Variants in RASSF9 observed in about 807,000 individuals in gnomAD.
The protein encoded by RASSF9 is Ras association domain family member 9.
RASSF9 carries 18 observed loss-of-function variants against 21.4 expected under a neutral mutation model. The ratio of observed to expected loss-of-function variants is 0.84; its 90% confidence interval spans 0.58 to 1.25. The LOEUF (loss-of-function observed/expected upper bound fraction) is 1.25, where lower values mean the gene tolerates loss of function less well. Ranked by LOEUF, RASSF9 falls within the 50% of genes most tolerant of loss-of-function variation. The probability of loss-of-function intolerance (pLI) is 0.00; values close to 1 mark genes in which losing one functional copy is unlikely to be tolerated. For synonymous variants in RASSF9, 183 were observed against 179.1 expected, an observed-to-expected ratio of 1.02 and a Z score of -0.18; for missense variants, 480 against 503.2, an observed-to-expected ratio of 0.95 and a Z score of 0.44.
chr12:85,808,095 T>A (rs1227093330), intron 1 of RASSF9, among the ~76,000 whole-genome samples: 1 of 152,124 alleles, frequency 6.6e-6, no homozygotes, highest in Non-Finnish European at 1.5e-5. Context: ...TAATTTAACA[T>A]TTAGAATTTA....
intron 1 of RASSF9, among the ~76,000 whole-genome samples, chr12:85,807,182 G>A (rs938782228): frequency 6.6e-6 from 1 of 152,144 alleles, no homozygotes; most frequent in Non-Finnish European, 1.5e-5. Flanking sequence ...GAGTTCTCAG[G>A]AAAGAATTCC....
chr12:85,814,418 C>A (rs973347175), intron 1 of RASSF9, among the ~76,000 whole-genome samples: 1 of 152,008 alleles, frequency 6.6e-6, no homozygotes, highest in Non-Finnish European at 1.5e-5. Flanking sequence ...CAGCCTCTCA[C>A]ATCAAATAAT....
rs1349461783 is a variant in RASSF9 at position 85,804,627 on chromosome 12, T to C, written c.*75A>G. On this transcript the variant is annotated 3_prime_UTR_variant, in exon 2 of 2. Coordinates refer to ENST00000361228, the MANE Select transcript of RASSF9 (RefSeq NM_005447.4). ...ATGATTTACATTTTTTTGAGTGTTA[T>C]ATTTAAAATGAGGTTTCCTATTAAA... 27 of 1,348,408 alleles carry C rather than the reference T, an allele frequency of 2.0e-5. No homozygotes were observed. The highest frequency in any genetic ancestry group is 3.8e-4 in the Middle Eastern group (2 of 5,324). The allele number at this position is 1,348,408 out of a possible 1,614,324, so 83.5% of individuals were successfully genotyped here.
chr12:85,826,584 A>T (rs1880338685), intron 1 of RASSF9, among the ~76,000 whole-genome samples: 1 of 137,844 alleles, frequency 7.3e-6, no homozygotes, highest in African/African-American at 3.1e-5. Flanking sequence ...AGTAGCTGGG[A>T]TTACAGGCAC....
chr12:85,828,254 A>AT (rs1324223653), intron 1 of RASSF9, among the ~76,000 whole-genome samples: 4 of 152,042 alleles, frequency 2.6e-5, no homozygotes, highest in Non-Finnish European at 4.4e-5. Context: ...CATCATGTAT[A>AT]TTTTTTTCTG....
chr12:85,836,142 C>T lies in RASSF9; in HGVS notation c.47+13G>A. 1 of 1,550,862 alleles carries T rather than the reference C, an allele frequency of 6.4e-7. No individual in the cohort carries two copies. The highest frequency in any genetic ancestry group is 8.7e-7 in the Non-Finnish European group (1 of 1,146,812). ...AGAGACACACACACACTTACTCACACGCTTGACTTTACCTGTTTTTATGCC... is the reference window on the plus strand; with the variant it reads ...AGAGACACACACACACTTACTCACATGCTTGACTTTACCTGTTTTTATGCC... On this transcript the variant is annotated intron_variant, in intron 1 of 1. Coordinates refer to ENST00000361228, the MANE Select transcript of RASSF9 (RefSeq NM_005447.4).
In RASSF9 at chr12:85,804,470, G is replaced by A. The variant is rs753945202; in HGVS notation, c.*232C>T. On this transcript the variant is annotated 3_prime_UTR_variant, in exon 2 of 2. Transcript: ENST00000361228. ...TCAAATTATTTCTGTGTTCTACAAC[G>A]ACAAGCTATTTGTGCTGCATTCGTG... 96 of 413,664 alleles carry A rather than the reference G, an allele frequency of 2.3e-4. No individual in the cohort carries two copies. The highest frequency in any genetic ancestry group is 3.6e-4 in the Non-Finnish European group (85 of 234,536). 25.6% of individuals were successfully genotyped at this position (413,664 alleles called of 1,614,324 possible).
Position 85,836,348 on chromosome 12 carries a change from G to A in RASSF9, c.-147C>T, listed in dbSNP as rs950232123. ...CCTGGCTTTCAGCTCATTAGTAGCC[G>A]GCTGAGAAAGTTGCTGGAAGTTGTG... On this transcript the variant is annotated 5_prime_UTR_variant, in exon 1 of 2. Coordinates refer to ENST00000361228, the MANE Select transcript of RASSF9 (RefSeq NM_005447.4). The A allele has an allele frequency of 2.5e-5, 37 of 1,472,980 alleles. 1 individual carries two copies. The South Asian group carries it at 4.4e-4, about 17-fold the overall frequency. The allele number at this position is 1,472,980 out of a possible 1,614,324, so 91.2% of individuals were successfully genotyped here.
Position 85,804,819 on chromosome 12 carries a change from A to G in RASSF9, c.1191T>C (p.Phe397=), listed in dbSNP as rs774633174. ...VPSSNGEIPP[F]TQRVFSNYTN... ...TGTAATTGCTAAATACTCTTTGAGTAAAGGGAGGAATCTCCCCATTGCTAC... is the reference window on the plus strand; with the variant it reads ...TGTAATTGCTAAATACTCTTTGAGTGAAGGGAGGAATCTCCCCATTGCTAC... Residue 397 remains phenylalanine, a synonymous_variant, in exon 2 of 2, where the codon TTT becomes TTC. Transcript: ENST00000361228. 2 of 1,613,364 alleles carry G rather than the reference A, an allele frequency of 1.2e-6. No homozygotes were observed. The highest frequency in any genetic ancestry group is 3.3e-5 in the Admixed American group (2 of 60,014).
At chr12:85,815,183 A>C (rs879841413) in intron 1 of RASSF9, among the ~76,000 whole-genome samples, 1 of 152,086 alleles carries the variant, frequency 6.6e-6, no homozygotes, top group Non-Finnish European at 1.5e-5. Flanking sequence ...GAGAAAAAAA[A>C]ACCAAAAACC....
chr12:85,831,411 A>G (rs1280006286), intron 1 of RASSF9, among the ~76,000 whole-genome samples: 1 of 151,998 alleles, frequency 6.6e-6, no homozygotes, highest in Non-Finnish European at 1.5e-5. Context: ...AATACATTTT[A>G]TGTAGTACAA....
Position 85,804,842 on chromosome 12 carries a change from T to A in RASSF9, c.1168A>T (p.Ser390Cys). 6.2e-7 allele frequency: 1 copy of A among 1,613,350 alleles called. No homozygotes were observed. Residue 390 changes from serine (S) to cysteine (C), a missense_variant, in exon 2 of 2, where the codon AGC (serine) becomes TGC (cysteine). By Grantham distance (112) the Ser-to-Cys change is moderately radical. Transcript: ENST00000361228. ...NRAKESEVPS[S>C]NGEIPPFTQR... The stretch of plus-strand genomic sequence containing the variant: ...GTAAAGGGAGGAATCTCCCCATTGC[T>A]ACTGGGAACCTCAGATTCCTTCGCT...
chr12:85,834,386 A>G (rs1880515753), intron 1 of RASSF9, among the ~76,000 whole-genome samples: 1 of 152,048 alleles, frequency 6.6e-6, no homozygotes, highest in Admixed American at 6.6e-5. Flanking sequence ...TCACCTTTTC[A>G]TAATTTTGCA....
At position 85,802,256 on chromosome 12, in the gene RASSF9, A is replaced by G. The variant is rs1186216925; in HGVS notation, c.*2446T>C. ...TTCTATACTTATAATTCCAATTCTC[A>G]CTTAATTTAATAACAAATAGTTCAG... On this transcript the variant is annotated 3_prime_UTR_variant, in exon 2 of 2. Coordinates refer to ENST00000361228, the MANE Select transcript of RASSF9 (RefSeq NM_005447.4). 6.6e-6 allele frequency: 1 copy of G among 152,174 alleles called. No homozygotes were observed. Among genetic ancestry groups the G allele is most frequent in the Non-Finnish European group, 1.5e-5 (1 of 68,030 alleles). 9.4% of individuals were successfully genotyped at this position (152,174 alleles called of 1,614,324 possible). A position where few individuals can be genotyped will look rare whatever the true frequency, so the allele number is the denominator to read the frequency against.
Position 85,826,976 on chromosome 12 carries a change from T to C in RASSF9, c.47+9179A>G, listed in dbSNP as rs532549292. On this transcript the variant is annotated intron_variant, in intron 1 of 1. Transcript: ENST00000361228. ...TTCTCCTTTACCTACAATATTCTTTTTCCCAACTTTTTATATTCTAATCTT... is the reference window on the plus strand; with the variant it reads ...TTCTCCTTTACCTACAATATTCTTTCTCCCAACTTTTTATATTCTAATCTT... Among the ~76,000 whole-genome samples, 402 of 152,306 alleles carry C rather than the reference T, an allele frequency of 2.6e-3. 1 individual carries two copies. The highest frequency in any genetic ancestry group is 9.2e-3 in the African/African-American group (384 of 41,558).
chr12:85,829,853 G>GATTT (rs1880411587), intron 1 of RASSF9, among the ~76,000 whole-genome samples: 1 of 152,040 alleles, frequency 6.6e-6, no homozygotes, highest in Non-Finnish European at 1.5e-5. Context: ...CAAAAATTAT[G>GATTT]ATTTTGTCTA....
chr12:85,832,954 T>C (rs1286683302), intron 1 of RASSF9, among the ~76,000 whole-genome samples: 1 of 151,954 alleles, frequency 6.6e-6, no homozygotes, highest in Non-Finnish European at 1.5e-5. Flanking sequence ...GTTGGTTCCA[T>C]GTCTTTCTAT....
At chr12:85,809,173 TAAGC>T (rs1879897153) in intron 1 of RASSF9, among the ~76,000 whole-genome samples, 1 of 152,102 alleles carries the variant, frequency 6.6e-6, no homozygotes, top group Admixed American at 6.6e-5. Context: ...GGTTCAAACA[TAAGC>T]AAGAAAACTG....
chr12:85,805,388 C>T lies in RASSF9; in HGVS notation c.622G>A (p.Asp208Asn). 6.2e-7 allele frequency: 1 copy of T among 1,613,554 alleles called. No individual in the cohort carries two copies. Among genetic ancestry groups the T allele is most frequent in the Non-Finnish European group, 8.5e-7 (1 of 1,179,740 alleles). The stretch of plus-strand genomic sequence containing the variant: ...GCTTCACACTTTTCAATTTCCAGAT[C>T]CAGCTCTTTCATTCTCTTGACTTGC... The part of the protein sequence containing the change: ...HQQVKRMKEL[D>N]LEIEKCEAKF... The change falls in exon 2 of 2, where the codon GAT (aspartate) becomes AAT (asparagine). Residue 208 changes from aspartate to asparagine, a missense_variant. Asp to Asn is a conservative substitution (Grantham distance 23). Transcript: ENST00000361228.
Sources: gnomAD v4.1 joint callset for allele counts (sites outside exome capture counted in the v4.1 genomes callset) on GRCh38, gnomAD v4.1.1 for gene constraint, MANE v1.5 for transcripts, NCBI Gene and HGNC (gene_info 2026-07-23, HGNC 2026-07-21) for gene names.